LDLRAD4: variants seen among roughly 807,000 people sequenced by gnomAD.
The protein encoded by LDLRAD4 is low density lipoprotein receptor class A domain containing 4, also known as low-density lipoprotein receptor class A domain-containing protein 4.
A neutral mutation model predicts 17.0 loss-of-function variants in LDLRAD4; 5 were observed. The ratio of observed to expected loss-of-function variants is 0.29; its 90% CI spans 0.15 to 0.62. LDLRAD4 has a LOEUF of 0.62. Among genes scored for constraint, LDLRAD4 ranks in the 20% least tolerant of loss-of-function variants. LDLRAD4 has a pLI of 0.84. For synonymous variants in LDLRAD4, 168 were observed against 171.8 expected (o/e 0.98, Z 0.17); for missense variants, 340 against 424.7 (o/e 0.80, Z 1.75).
chr18:13,511,966 G>A (rs1256857599), intron 3 of LDLRAD4, among the ~76,000 whole-genome samples: 1 of 152,206 alleles, frequency 6.6e-6, no homozygotes, highest in African/African-American at 2.4e-5. Flanking sequence ...TACAACATCT[G>A]GGATGTATGT....
Position 13,558,180 on chromosome 18 carries a change from A to G in LDLRAD4, c.182-62937A>G, listed in dbSNP as rs539575468. On this transcript the variant is annotated intron_variant, in intron 3 of 5. Transcript: ENST00000359446. ...TTGAAATTCTTACCCTTGTGCAAAAATAGACCAGGGTGAATATTGAGTGGG... is the reference window on the plus strand; with the variant it reads ...TTGAAATTCTTACCCTTGTGCAAAAGTAGACCAGGGTGAATATTGAGTGGG... Among the ~76,000 whole-genome samples, 22 of 152,348 alleles carry G rather than the reference A, an allele frequency of 1.4e-4. 1 individual carries two copies. In the South Asian group the frequency reaches 4.6e-3, roughly 32 times the overall value.
At chr18:13,391,207 A>T (rs1199631468) in intron 2 of LDLRAD4, among the ~76,000 whole-genome samples, 1 of 152,220 alleles carries the variant, frequency 6.6e-6, no homozygotes, top group East Asian at 1.9e-4. Context: ...GCAGTTAACC[A>T]TATGTCCACT....
At chr18:13,430,544 C>T (rs902741019) in intron 2 of LDLRAD4, among the ~76,000 whole-genome samples, 10 of 152,100 alleles carry the variant, frequency 6.6e-5, no homozygotes, top group African/African-American at 1.7e-4. Context: ...AGTGAGATCC[C>T]GGAACAAGCA....
chr18:13,303,933 C>T (rs1319407790), intron 1 of LDLRAD4, among the ~76,000 whole-genome samples: 2 of 152,228 alleles, frequency 1.3e-5, no homozygotes, highest in Non-Finnish European at 2.9e-5. Context: ...GCCCACGAGT[C>T]ATCTGCAAAC....
chr18:13,513,952 T>C (rs1223155914), intron 3 of LDLRAD4, among the ~76,000 whole-genome samples: 1 of 152,244 alleles, frequency 6.6e-6, no homozygotes, highest in Admixed American at 6.5e-5. Flanking sequence ...AGAAGGGCCA[T>C]AGCTCACCAT....
chr18:13,377,113 G>A (rs917523162), intron 1 of LDLRAD4, among the ~76,000 whole-genome samples: 1 of 152,170 alleles, frequency 6.6e-6, no homozygotes, highest in Admixed American at 6.5e-5. Context: ...TTAGTGTGCC[G>A]GGCCCCGCAG....
At chr18:13,262,455 C>T (rs111687934) in intron 1 of LDLRAD4, among the ~76,000 whole-genome samples, 3,082 of 52,380 alleles carry the variant, frequency 0.059, 11 homozygotes, top group African/African-American at 0.13. Flanking sequence ...GAGTCCCGTG[C>T]GGCTCTGTGC....
At chr18:13,449,276 C>A (rs2146343026) in intron 3 of LDLRAD4, among the ~76,000 whole-genome samples, 1 of 152,272 alleles carries the variant, frequency 6.6e-6, no homozygotes, top group East Asian at 1.9e-4. Context: ...GCCCTAGACC[C>A]TTTGCTTGCT....
chr18:13,406,099 G>A (rs1270483815), intron 2 of LDLRAD4, among the ~76,000 whole-genome samples: 1 of 152,168 alleles, frequency 6.6e-6, no homozygotes, highest in African/African-American at 2.4e-5. Context: ...AACAGTGCTG[G>A]GCACCCATGC....
intron 3 of LDLRAD4, among the ~76,000 whole-genome samples, chr18:13,475,769 A>C (rs946269596): frequency 1.3e-5 from 2 of 152,220 alleles, no homozygotes; most frequent in African/African-American, 4.8e-5. Context: ...GCATGACTCC[A>C]TGCTAAACTG....
intron 2 of LDLRAD4, among the ~76,000 whole-genome samples, chr18:13,412,938 G>A (rs1293652686): frequency 6.6e-6 from 1 of 152,210 alleles, no homozygotes; most frequent in Admixed American, 6.5e-5. Flanking sequence ...ACTGTCCTGA[G>A]CTTCCTGGAT....
intron 3 of LDLRAD4, among the ~76,000 whole-genome samples, chr18:13,565,352 A>G (rs1350286757): frequency 6.6e-6 from 1 of 151,874 alleles, no homozygotes; most frequent in East Asian, 2.0e-4. Context: ...GGCCTGAACC[A>G]CAGAAGCGAA....
At chr18:13,266,516 C>T (rs115009980) in intron 1 of LDLRAD4, among the ~76,000 whole-genome samples, 5,310 of 152,308 alleles carry the variant, frequency 0.035, 166 homozygotes, top group African/African-American at 0.081. Context: ...GGGAGGATTC[C>T]GAGGGTCTCT....
chr18:13,334,627 G>A (rs2082020374), intron 1 of LDLRAD4, among the ~76,000 whole-genome samples: 1 of 152,088 alleles, frequency 6.6e-6, no homozygotes, highest in Non-Finnish European at 1.5e-5. Context: ...GGATTTTCTT[G>A]GTATCTGTAC....
At chr18:13,303,613 C>T (rs1396089471) in intron 1 of LDLRAD4, among the ~76,000 whole-genome samples, 3 of 152,040 alleles carry the variant, frequency 2.0e-5, no homozygotes, top group Admixed American at 2.0e-4. Flanking sequence ...ATTACAGGTG[C>T]GAGCTACTGC....
At chr18:13,482,178 G>A (rs2093105611) in intron 3 of LDLRAD4, among the ~76,000 whole-genome samples, 1 of 152,166 alleles carries the variant, frequency 6.6e-6, no homozygotes, top group Admixed American at 6.5e-5. Flanking sequence ...GCAGAGAAGG[G>A]CAGTGCCTGG....
rs781270725 is a variant in LDLRAD4, at chr18:13,612,719, C to T, written c.182-8398C>T. On this transcript the variant is annotated intron_variant, in intron 3 of 5. Transcript: ENST00000359446. ...AGGACCTGATTATGTCCAGTGACCA[C>T]CTGAACAACAGCACACTGAAGGAGG... 11 of 1,613,550 alleles carry T rather than the reference C, an allele frequency of 6.8e-6. No individual in the cohort carries two copies. The South Asian group carries it at 7.7e-5, about 11-fold the overall frequency.
chr18:13,343,146 A>G (rs1239447175), intron 1 of LDLRAD4, among the ~76,000 whole-genome samples: 2 of 151,988 alleles, frequency 1.3e-5, no homozygotes, highest in Non-Finnish European at 2.9e-5. Context: ...GGTTAGTTAC[A>G]TATGTATACA....
chr18:13,609,530 C>CGTGTGT (rs72225166), intron 3 of LDLRAD4, among the ~76,000 whole-genome samples: 3,159 of 149,538 alleles, frequency 0.021, 98 homozygotes, highest in African/African-American at 0.069. Context: ...TGTGTGTGTG[C>CGTGTGT]GTGTGTGTGT....
Sources: gnomAD v4.1 joint callset for allele counts (sites outside exome capture counted in the v4.1 genomes callset) on GRCh38, gnomAD v4.1.1 for gene constraint, MANE v1.5 for transcripts, NCBI Gene and HGNC (gene_info 2026-07-23, HGNC 2026-07-21) for gene names.